PPFIBP2: variants seen among roughly 807,000 people sequenced by gnomAD.
The protein encoded by PPFIBP2 is PPFIB scaffold protein 2.
In PPFIBP2, 118 loss-of-function variants were observed where a neutral mutation model predicts 118.3. The ratio of observed to expected loss-of-function variants is 1.00; its 90% CI spans 0.86 to 1.16. PPFIBP2 has a LOEUF of 1.16. Among genes scored for constraint, PPFIBP2 ranks in the 50% most tolerant of loss-of-function variants. The probability of loss-of-function intolerance (pLI) is 0.00; values close to 1 mark genes in which losing one functional copy is unlikely to be tolerated. For synonymous variants in PPFIBP2, 414 were observed against 397.4 expected (o/e 1.04, Z -0.50); for missense variants, 1,195 against 1,073.1 (o/e 1.11, Z -1.59).
In PPFIBP2 at chr11:7,632,856, C is replaced by G; in HGVS notation, c.1069-11C>G. 2 of 1,610,372 alleles carry G rather than the reference C, an allele frequency of 1.2e-6. No homozygotes were observed. The highest frequency in any genetic ancestry group is 1.1e-5 in the South Asian group (1 of 90,964). On this transcript the variant is annotated splice_polypyrimidine_tract_variant and intron_variant, in intron 11 of 23. Transcript: ENST00000299492. The stretch of plus-strand genomic sequence containing the variant: ...CTGTCCTCTACCGTGACTCTTCTGT[C>G]TCTGGTGCAGATGCCTCCAAGATGT...
downstream of PPFIBP2, among the ~76,000 whole-genome samples, chr11:7,660,162 C>G (rs1854859956): frequency 2.4e-5 from 3 of 127,658 alleles, 1 homozygote; most frequent in South Asian, 8.2e-4. Flanking sequence ...CCTAATTGCC[C>G]TGGCCAGAAC....
At chr11:7,625,129 TG>T (rs1002142494) in intron 7 of PPFIBP2, among the ~76,000 whole-genome samples, 4 of 152,154 alleles carry the variant, frequency 2.6e-5, no homozygotes, top group South Asian at 2.1e-4. Flanking sequence ...GTGTATACAA[TG>T]TTTTTTTTTG....
intron 2 of PPFIBP2, among the ~76,000 whole-genome samples, chr11:7,560,235 T>C (rs1854147248): frequency 6.6e-6 from 1 of 152,240 alleles, no homozygotes; most frequent in Non-Finnish European, 1.5e-5. Context: ...AATTCTTCCA[T>C]ATTGTCTAGC....
chr11:7,559,970 G>C (rs1276115261), intron 2 of PPFIBP2, among the ~76,000 whole-genome samples: 1 of 152,110 alleles, frequency 6.6e-6, no homozygotes, highest in Non-Finnish European at 1.5e-5. Context: ...TTTTCTGTTT[G>C]TTCATTGTGG....
At position 7,610,300 on chromosome 11, in the gene PPFIBP2, A is replaced by G. The variant is rs199500300; in HGVS notation, c.496A>G (p.Ser166Gly). The change falls in exon 6 of 24, where the codon AGC becomes GGC. Residue 166 changes from serine (S) to glycine (G), a missense_variant. By Grantham distance (56) the Ser-to-Gly change is moderately conservative. Coordinates refer to ENST00000299492, the MANE Select transcript of PPFIBP2 (RefSeq NM_003621.5). ...CTGTTTTTGCTTGCAGGAGCTGCTA[A>G]GCCGCACATCTCTTGAGACCCAGAA... is the stretch of plus-strand genomic sequence containing the variant. Reference protein sequence around the residue: ...AEEMLQQELLSRTSLETQKLD... With the variant: ...AEEMLQQELLGRTSLETQKLD... The G allele has an allele frequency of 6.2e-7, 1 of 1,614,056 alleles. No homozygotes were observed. Among genetic ancestry groups the G allele is most frequent in the African/African-American group, 1.3e-5 (1 of 75,060 alleles).
At chr11:7,550,408 A>G (rs1158224706) in intron 2 of PPFIBP2, among the ~76,000 whole-genome samples, 2 of 152,174 alleles carry the variant, frequency 1.3e-5, no homozygotes, top group Non-Finnish European at 2.9e-5. Flanking sequence ...TTTCTCAGGC[A>G]TTTGCTTTTC....
At chr11:7,643,086 A>G (rs986658778) in intron 17 of PPFIBP2, among the ~76,000 whole-genome samples, 8 of 152,254 alleles carry the variant, frequency 5.3e-5, no homozygotes, top group African/African-American at 1.4e-4. Flanking sequence ...TAGAGGCTAG[A>G]GAATCTAAGG....
chr11:7,518,076 G>T (rs772988044), intron 1 of PPFIBP2, among the ~76,000 whole-genome samples: 1 of 152,248 alleles, frequency 6.6e-6, no homozygotes, highest in Non-Finnish European at 1.5e-5. Context: ...CCGTGGGCCT[G>T]CAGGGCCCCT....
At chr11:7,547,788 C>T (rs1163392208) in intron 1 of PPFIBP2, among the ~76,000 whole-genome samples, 1 of 152,140 alleles carries the variant, frequency 6.6e-6, no homozygotes, top group African/African-American at 2.4e-5. Context: ...TGGTTCTTGA[C>T]CCCCGAGGCT....
intron 5 of PPFIBP2, among the ~76,000 whole-genome samples, chr11:7,599,835 G>A (rs10839817): frequency 0.1 from 14,237 of 143,066 alleles, 774 homozygotes; most frequent in Non-Finnish European, 0.11. Context: ...TAGTAGAGAC[G>A]GGGTTTCACC....
intron 14 of PPFIBP2, among the ~76,000 whole-genome samples, chr11:7,638,560 G>A (rs1217909217): frequency 1.3e-5 from 2 of 152,224 alleles, no homozygotes; most frequent in Non-Finnish European, 2.9e-5. Flanking sequence ...TTGGCCTTTA[G>A]CTAAATGGAA....
chr11:7,530,748 T>C (rs1850612457), intron 1 of PPFIBP2, among the ~76,000 whole-genome samples: 2 of 152,240 alleles, frequency 1.3e-5, no homozygotes. Context: ...CTCTTTCTGC[T>C]GCATGCTGCT....
At chr11:7,527,910 A>G (rs1030100958) in intron 1 of PPFIBP2, among the ~76,000 whole-genome samples, 1 of 152,214 alleles carries the variant, frequency 6.6e-6, no homozygotes, top group Admixed American at 6.5e-5. Context: ...TGAAGTACCC[A>G]TCATGCATCA....
intron 1 of PPFIBP2, among the ~76,000 whole-genome samples, chr11:7,533,537 A>G (rs1016024339): frequency 6.6e-6 from 1 of 152,242 alleles, no homozygotes; most frequent in Non-Finnish European, 1.5e-5. Context: ...ACAAATTATT[A>G]TCATCTTCAT....
the PPFIBP2 span, among the ~76,000 whole-genome samples, chr11:7,663,132 C>G: frequency 4.3e-4 from 56 of 131,066 alleles, 2 homozygotes; most frequent in Admixed American, 2.4e-3. Context: ...TCGTCTGAAG[C>G]CTTCTTCTCT....
At chr11:7,539,820 G>T (rs1473210320) in intron 1 of PPFIBP2, among the ~76,000 whole-genome samples, 1 of 152,200 alleles carries the variant, frequency 6.6e-6, no homozygotes, top group Admixed American at 6.5e-5. Flanking sequence ...AAACACTGAA[G>T]AAGCCCCAAA....
chr11:7,561,827 G>C (rs1271632145), intron 2 of PPFIBP2, among the ~76,000 whole-genome samples: 1 of 152,164 alleles, frequency 6.6e-6, no homozygotes, highest in Non-Finnish European at 1.5e-5. Context: ...GGTGGTTCTG[G>C]CTTAGGTCTC....
chr11:7,666,491 G>A, the PPFIBP2 span: 1 of 1,613,422 alleles, frequency 6.2e-7, no homozygotes, highest in Non-Finnish European at 8.5e-7. Flanking sequence ...GGTTGAACTG[G>A]TCTGGGTGAG....
chr11:7,653,899 G>T (rs117967393), downstream of PPFIBP2: 4 of 856,904 alleles, frequency 4.7e-6, no homozygotes, highest in Non-Finnish European at 6.2e-6. Context: ...GATTCACCAG[G>T]GGGGTAGAGC....
Sources: allele counts gnomAD v4.1 joint callset (sites outside exome capture counted in the v4.1 genomes callset), GRCh38; gene constraint gnomAD v4.1.1; transcripts MANE v1.5; gene names NCBI Gene and HGNC (gene_info 2026-07-23, HGNC 2026-07-21).